SLC2A4: variants seen among roughly 807,000 people sequenced by gnomAD.
The protein encoded by SLC2A4 is solute carrier family 2, facilitated glucose transporter member 4.
A neutral mutation model predicts 53.3 loss-of-function variants in SLC2A4; 31 were observed. The observed-to-expected ratio is 0.58, with a 90% CI of 0.44 to 0.78. The LOEUF (loss-of-function observed/expected upper bound fraction) is 0.78, where lower values mean the gene tolerates loss of function less well. Ranked by LOEUF, SLC2A4 falls within the 30% of genes least tolerant of loss-of-function variation. The pLI is 0.00. For synonymous variants in SLC2A4, 276 were observed against 281.9 expected (o/e 0.98, Z 0.21); for missense variants, 538 against 655.7 (o/e 0.82, Z 1.96).
Position 7,282,737 on chromosome 17 carries a change from C to G in SLC2A4, c.34-508C>G, listed in dbSNP as rs2072413251. Among the ~76,000 whole-genome samples the G allele has an allele frequency of 6.6e-6, 1 of 152,222 alleles. No individual in the cohort carries two copies. The highest frequency in any genetic ancestry group is 2.4e-5 in the African/African-American group (1 of 41,452). On this transcript the variant is annotated intron_variant, in intron 1 of 10. Transcript: ENST00000317370. The surrounding 1 kb of genome is among the most constrained non-coding windows in gnomAD (Gnocchi z 4.1). ...GCCTCCTGGAGCTGGCTGACAGAACCCCCAGAGGGGAGGGAAGAGGACAGT... is the reference window on the plus strand; with the variant it reads ...GCCTCCTGGAGCTGGCTGACAGAACGCCCAGAGGGGAGGGAAGAGGACAGT...
At position 7,285,421 on chromosome 17, in the gene SLC2A4, GA is replaced by G. The variant is rs1313325547; in HGVS notation, c.1122+233del. On this transcript the variant is annotated intron_variant, in intron 9 of 10. Transcript: ENST00000317370. This position sits in a 1 kb window ranked among gnomAD's most constrained non-coding sequence, Gnocchi z 6.0. ...TGGCACAACTCTGGCAGCCAGGAGGGAGAGCCCCTGTCAAGCCTCAGGAACA... is the reference window on the plus strand; with the variant it reads ...TGGCACAACTCTGGCAGCCAGGAGGGGAGCCCCTGTCAAGCCTCAGGAACA... Among the ~76,000 whole-genome samples, 3 of 152,208 alleles carry G rather than the reference GA, an allele frequency of 2.0e-5. No homozygotes were observed. The highest frequency in any genetic ancestry group is 4.4e-5 in the Non-Finnish European group (3 of 68,036).
At position 7,284,346 on chromosome 17, in the gene SLC2A4, A is replaced by G; in HGVS notation, c.694A>G (p.Ile232Val). 2 of 1,614,016 alleles carry G rather than the reference A, an allele frequency of 1.2e-6. No homozygotes were observed. Among genetic ancestry groups the G allele is most frequent in the Non-Finnish European group, 1.7e-6 (2 of 1,180,024 alleles). ...TCCCGAGAGCCCCCGCTACCTCTACATCATCCAGAATCTCGAGGGGCCTGC... is the reference window on the plus strand; with the variant it reads ...TCCCGAGAGCCCCCGCTACCTCTACGTCATCCAGAATCTCGAGGGGCCTGC... ...FCPESPRYLY[I>V]IQNLEGPARK... The change falls in exon 6 of 11, where the codon ATC becomes GTC. Residue 232 changes from isoleucine (I) to valine (V), a missense_variant. Coordinates refer to ENST00000317370, the MANE Select transcript of SLC2A4 (RefSeq NM_001042.3). This position sits in a 1 kb window ranked among gnomAD's most constrained non-coding sequence, Gnocchi z 7.5.
At position 7,284,916 on chromosome 17, in the gene SLC2A4, AAC is replaced by A. The variant is rs1473695972; in HGVS notation, c.1001_1002del (p.Thr334SerfsTer62). 27 of 1,614,070 alleles carry A rather than the reference AAC, an allele frequency of 1.7e-5. 1 individual carries two copies. The highest frequency in any genetic ancestry group is 2.2e-5 in the South Asian group (2 of 91,082). ...TGCCACCATAGGAGCTGGTGTGGTC[AAC>A]ACAGTCTTCACCTTGGTCTCGGTAA... is the stretch of plus-strand genomic sequence containing the variant. Reference protein sequence around the residue: ...AYATIGAGVVNTVFTLVSVLL... With the variant: ...AYATIGAGVVXTVFTLVSVLL... On this transcript the variant is annotated frameshift_variant, in exon 8 of 11. Transcript: ENST00000317370. LOFTEE classifies it high-confidence loss of function. This position sits in a 1 kb window ranked among gnomAD's most constrained non-coding sequence, Gnocchi z 7.5.
At position 7,283,766 on chromosome 17, in the gene SLC2A4, C is replaced by T. The variant is rs139410029; in HGVS notation, c.352C>T (p.Leu118=). The T allele has an allele frequency of 1.5e-5, 24 of 1,613,976 alleles. No homozygotes were observed. Among genetic ancestry groups the T allele is most frequent in the Non-Finnish European group, 1.9e-5 (22 of 1,180,032 alleles). The part of the protein sequence containing the change: ...RKRAMLVNNV[L]AVLGGSLMGL... ...AAGGGCCATGCTGGTCAACAATGTC[C>T]TGGCGGTGCTGGGGGGCAGCCTCAT... Residue 118 remains leucine, a synonymous_variant, in exon 4 of 11, where the codon CTG becomes TTG. Transcript: ENST00000317370. This position sits in a 1 kb window ranked among gnomAD's most constrained non-coding sequence, Gnocchi z 5.8.
In SLC2A4 at chr17:7,283,665, G is replaced by A; in HGVS notation, c.323+20G>A. On this transcript the variant is annotated intron_variant, in intron 3 of 10. Coordinates refer to ENST00000317370, the MANE Select transcript of SLC2A4 (RefSeq NM_001042.3). This position sits in a 1 kb window ranked among gnomAD's most constrained non-coding sequence, Gnocchi z 5.8. ...TGGAAGGTTCGCAGCTGGAGGGCAGGGGTGGGGGAAACAGGAAGGGAGCCA... is the reference window on the plus strand; with the variant it reads ...TGGAAGGTTCGCAGCTGGAGGGCAGAGGTGGGGGAAACAGGAAGGGAGCCA... 2 of 1,613,950 alleles carry A rather than the reference G, an allele frequency of 1.2e-6. No homozygotes were observed. Among genetic ancestry groups the A allele is most frequent in the Non-Finnish European group, 1.7e-6 (2 of 1,180,030 alleles).
Position 7,287,115 on chromosome 17 carries a change from G to GGTTCTCTTTT in SLC2A4, c.*486_*487insGTTCTCTTTT, listed in dbSNP as rs542749322. 1.7e-4 allele frequency: 17 copies of GGTTCTCTTTT among 97,696 alleles called. 7 individuals carry two copies. The highest frequency in any genetic ancestry group is 1.2e-4 in the Non-Finnish European group (6 of 49,466). The allele number at this position is 97,696 out of a possible 1,614,324, so 6.1% of individuals were successfully genotyped here. On this transcript the variant is annotated 3_prime_UTR_variant, in exon 11 of 11. Transcript: ENST00000317370. ...TGCCACGCAGACTCTGGGCAAAGGG[G>GGTTCTCTTTT]TTTTTTTTTTTTTTTTTTTTTTTTT...
Position 7,282,031 on chromosome 17 carries a change from C to T in SLC2A4, c.33+64C>T. 7.2e-7 allele frequency: 1 copy of T among 1,383,412 alleles called. No individual in the cohort carries two copies. Among genetic ancestry groups the T allele is most frequent in the Non-Finnish European group, 1.0e-6 (1 of 992,006 alleles). The allele number at this position is 1,383,412 out of a possible 1,614,324, so 85.7% of individuals were successfully genotyped here. The stretch of plus-strand genomic sequence containing the variant: ...GGTCCCGCTTTTCTTGGGCTGGGGT[C>T]GCGGTTGGGGTCAGCTGGGGGTGGT... On this transcript the variant is annotated intron_variant, in intron 1 of 10. Coordinates refer to ENST00000317370, the MANE Select transcript of SLC2A4 (RefSeq NM_001042.3). The surrounding 1 kb of genome is among the most constrained non-coding windows in gnomAD (Gnocchi z 4.1).
At position 7,286,578 on chromosome 17, in the gene SLC2A4, G is replaced by C; in HGVS notation, c.1479G>C (p.Glu493Asp). 2.5e-6 allele frequency: 4 copies of C among 1,614,204 alleles called. No homozygotes were observed. Among genetic ancestry groups the C allele is most frequent in the South Asian group, 1.1e-5 (1 of 91,074 alleles). The change falls in exon 11 of 11, where the codon GAG becomes GAC. Residue 493 changes from glutamate to aspartate, a missense_variant. Glu to Asp is a conservative substitution (Grantham distance 45). Coordinates refer to ENST00000317370, the MANE Select transcript of SLC2A4 (RefSeq NM_001042.3). ...FHRTPSLLEQ[E>D]VKPSTELEYL... ...GGACACCCTCTCTTTTAGAGCAGGA[G>C]GTGAAACCCAGCACAGAACTTGAGT...
rs1299587455 is a variant in SLC2A4, at chr17:7,286,732, T to A, written c.*103T>A. On this transcript the variant is annotated 3_prime_UTR_variant, in exon 11 of 11. Transcript: ENST00000317370. ...CCCTCTCTTCCCTATTATTTCCGGG[T>A]GGAAAAGAATCCCTGCAGCCTGGTA... 1.0e-5 allele frequency: 11 copies of A among 1,098,164 alleles called. No homozygotes were observed. The highest frequency in any genetic ancestry group is 5.2e-5 in the Admixed American group (3 of 57,586). 68.0% of individuals were successfully genotyped at this position (1,098,164 alleles called of 1,614,324 possible).
In SLC2A4 at chr17:7,285,601, C is replaced by T; in HGVS notation, c.1123-104C>T. ...CTAACCCGGGACAGCAGGCCCCCTA[C>T]AAGCTGCTGCGGAGGGGGTTAGGTT... On this transcript the variant is annotated intron_variant, in intron 9 of 10. Coordinates refer to ENST00000317370, the MANE Select transcript of SLC2A4 (RefSeq NM_001042.3). This position sits in a 1 kb window ranked among gnomAD's most constrained non-coding sequence, Gnocchi z 6.0. 8.9e-7 allele frequency: 1 copy of T among 1,128,060 alleles called. No individual in the cohort carries two copies. The allele number at this position is 1,128,060 out of a possible 1,614,324, so 69.9% of individuals were successfully genotyped here. A position where few individuals can be genotyped will look rare whatever the true frequency, so the allele number is the denominator to read the frequency against.
rs754431311 is a variant in SLC2A4 at position 7,284,714 on chromosome 17, G to C, written c.915+42G>C. On this transcript the variant is annotated intron_variant, in intron 7 of 10. Coordinates refer to ENST00000317370, the MANE Select transcript of SLC2A4 (RefSeq NM_001042.3). This position sits in a 1 kb window ranked among gnomAD's most constrained non-coding sequence, Gnocchi z 7.5. ...CTCCAGGCAGGGCACAGCCCCGGGA[G>C]GGTAGACGAGAGTGGGGAGCAAACC... 4.3e-6 allele frequency: 7 copies of C among 1,612,414 alleles called. No individual in the cohort carries two copies. The highest frequency in any genetic ancestry group is 3.3e-5 in the South Asian group (3 of 90,992).
chr17:7,282,234 G>T lies in SLC2A4; in HGVS notation c.33+267G>T. 1.6e-6 allele frequency: 1 copy of T among 607,316 alleles called. No homozygotes were observed. Among genetic ancestry groups the T allele is most frequent in the South Asian group, 1.7e-5 (1 of 59,636 alleles). The allele number at this position is 607,316 out of a possible 1,614,324, so 37.6% of individuals were successfully genotyped here. A position where few individuals can be genotyped will look rare whatever the true frequency, so the allele number is the denominator to read the frequency against. On this transcript the variant is annotated intron_variant, in intron 1 of 10. Transcript: ENST00000317370. The surrounding 1 kb of genome is among the most constrained non-coding windows in gnomAD (Gnocchi z 4.1). ...GGTTCACCCCCTTGCCTAGTAGGCG[G>T]CGCGGCGCTCCGGAATCGGGGACAC...
Position 7,283,015 on chromosome 17 carries a change from C to A in SLC2A4, c.34-230C>A. On this transcript the variant is annotated intron_variant, in intron 1 of 10. Coordinates refer to ENST00000317370, the MANE Select transcript of SLC2A4 (RefSeq NM_001042.3). This position sits in a 1 kb window ranked among gnomAD's most constrained non-coding sequence, Gnocchi z 5.8. The stretch of plus-strand genomic sequence containing the variant: ...TTTTGAGACAAGTTCTCAAACATTT[C>A]TCTGCCTTATGGACCCAAACATCCA... The A allele has an allele frequency of 3.6e-6, 2 of 554,550 alleles. No homozygotes were observed. The highest frequency in any genetic ancestry group is 3.3e-5 in the East Asian group (1 of 30,542). The allele number at this position is 554,550 out of a possible 1,614,324, so 34.4% of individuals were successfully genotyped here.
chr17:7,284,113 T>C lies in SLC2A4; in HGVS notation c.564+24T>C. ...AGGTGACCGGAGCAAGCCTCATGGGTGCCTGGGCAGTGGTTAGAGTGGGGC... is the reference window on the plus strand; with the variant it reads ...AGGTGACCGGAGCAAGCCTCATGGGCGCCTGGGCAGTGGTTAGAGTGGGGC... On this transcript the variant is annotated intron_variant, in intron 5 of 10. Transcript: ENST00000317370. The surrounding 1 kb of genome is among the most constrained non-coding windows in gnomAD (Gnocchi z 7.5). 1.2e-6 allele frequency: 2 copies of C among 1,611,510 alleles called. No homozygotes were observed. The highest frequency in any genetic ancestry group is 3.3e-4 in the Middle Eastern group (2 of 6,060).
Position 7,283,230 on chromosome 17 carries a change from T to C in SLC2A4, c.34-15T>C, listed in dbSNP as rs1277777884. 14 of 1,601,542 alleles carry C rather than the reference T, an allele frequency of 8.7e-6. No homozygotes were observed. Among genetic ancestry groups the C allele is most frequent in the Admixed American group, 1.7e-5 (1 of 59,988 alleles). ...TTCCATGTGACATGCTGTGTCTTTG[T>C]GTCTGCCTGTTCAGGATGGGGAACC... On this transcript the variant is annotated splice_polypyrimidine_tract_variant and intron_variant, in intron 1 of 10. Coordinates refer to ENST00000317370, the MANE Select transcript of SLC2A4 (RefSeq NM_001042.3). This position sits in a 1 kb window ranked among gnomAD's most constrained non-coding sequence, Gnocchi z 5.8.
In SLC2A4 at chr17:7,283,839, G is replaced by A. The variant is rs879198156; in HGVS notation, c.425G>A (p.Arg142Gln). 2 of 1,614,014 alleles carry A rather than the reference G, an allele frequency of 1.2e-6. No homozygotes were observed. Among genetic ancestry groups the A allele is most frequent in the East Asian group, 2.2e-5 (1 of 44,894 alleles). The change falls in exon 4 of 11, where the codon CGA becomes CAA. Residue 142 changes from arginine (R) to glutamine (Q), a missense_variant. Arg to Gln is a conservative substitution (Grantham distance 43, BLOSUM62 1). Transcript: ENST00000317370. The surrounding 1 kb of genome is among the most constrained non-coding windows in gnomAD (Gnocchi z 5.8). ...TCCTATGAAATGCTCATCCTTGGAC[G>A]ATTCCTCATTGGCGCCTACTCAGGT... The part of the protein sequence containing the change: ...AASYEMLILG[R>Q]FLIGAYSGLT...
Position 7,284,263 on chromosome 17 carries a change from T to C in SLC2A4, c.611T>C (p.Leu204Pro), listed in dbSNP as rs1597599813. The part of the protein sequence containing the change: ...SLLGTASLWP[L>P]LLGLTVLPAL... ...CTGGGCACTGCCAGCCTGTGGCCAC[T>C]GCTCCTGGGCCTCACAGTGCTACCT... Residue 204 changes from leucine to proline, a missense_variant, in exon 6 of 11, where the codon CTG becomes CCG. Physicochemically the swap from Leu to Pro is moderately conservative, Grantham distance 98 (BLOSUM62 -3). Coordinates refer to ENST00000317370, the MANE Select transcript of SLC2A4 (RefSeq NM_001042.3). The surrounding 1 kb of genome is among the most constrained non-coding windows in gnomAD (Gnocchi z 7.5). 3.1e-6 allele frequency: 5 copies of C among 1,613,858 alleles called. No homozygotes were observed. The highest frequency in any genetic ancestry group is 4.2e-6 in the Non-Finnish European group (5 of 1,180,004).
rs766577223 is a variant in SLC2A4, at chr17:7,283,861, A to G, written c.447A>G (p.Ser149=). The change falls in exon 4 of 11, where the codon TCA becomes TCG. Residue 149 remains serine (S), a splice_region_variant and synonymous_variant. Transcript: ENST00000317370. This position sits in a 1 kb window ranked among gnomAD's most constrained non-coding sequence, Gnocchi z 5.8. ...GACGATTCCTCATTGGCGCCTACTCAGGTACTCACGGGCACCACAGCCCTG... is the reference window on the plus strand; with the variant it reads ...GACGATTCCTCATTGGCGCCTACTCGGGTACTCACGGGCACCACAGCCCTG... ...ILGRFLIGAY[S]GLTSGLVPMY... The G allele has an allele frequency of 6.2e-7, 1 of 1,614,122 alleles. No homozygotes were observed. The highest frequency in any genetic ancestry group is 1.1e-5 in the South Asian group (1 of 91,084).
chr17:7,282,049 G>C lies in SLC2A4; in HGVS notation c.33+82G>C, dbSNP rs2072406926. 2 of 1,238,592 alleles carry C rather than the reference G, an allele frequency of 1.6e-6. No homozygotes were observed. Among genetic ancestry groups the C allele is most frequent in the Admixed American group, 3.9e-5 (2 of 51,936 alleles). 76.7% of individuals were successfully genotyped at this position (1,238,592 alleles called of 1,614,324 possible). A position where few individuals can be genotyped will look rare whatever the true frequency, so the allele number is the denominator to read the frequency against. On this transcript the variant is annotated intron_variant, in intron 1 of 10. Transcript: ENST00000317370. The surrounding 1 kb of genome is among the most constrained non-coding windows in gnomAD (Gnocchi z 4.1). ...CTGGGGTCGCGGTTGGGGTCAGCTG[G>C]GGGTGGTTCCTGCGCAGGCGCAGGG...
Sources: allele counts gnomAD v4.1 joint callset (sites outside exome capture counted in the v4.1 genomes callset), GRCh38; gene constraint gnomAD v4.1.1; non-coding constraint Gnocchi (gnomAD v3.1); transcripts MANE v1.5; gene names NCBI Gene and HGNC (gene_info 2026-07-23, HGNC 2026-07-21).